Variants in TRIM51 observed in about 807,000 individuals in gnomAD.
The protein encoded by TRIM51 is tripartite motif-containing protein 51.
In TRIM51, 23 loss-of-function variants were observed where a neutral mutation model predicts 32.7. That is an observed-to-expected ratio of 0.70 (90% CI 0.51 to 1.00). TRIM51 has a LOEUF of 1.00. Ranked by LOEUF, TRIM51 falls within the 50% of genes least tolerant of loss-of-function variation. TRIM51 has a pLI of 0.00. For synonymous variants in TRIM51, 177 were observed against 181.9 expected, an observed-to-expected ratio of 0.97 and a Z score of 0.22; for missense variants, 592 against 539.2, an observed-to-expected ratio of 1.10 and a Z score of -0.97.
At chr11:55,888,337 G>C in intron 4 of TRIM51, 75 bp downstream of exon 4, 1 of 1,091,364 alleles carries the variant, frequency 9.2e-7, no homozygotes. Context: ...CCTGAACTCC[G>C]TCTCCCCCTT....
At chr11:55,884,182 T>TATATATATATACAC (rs1458218535) in intron 1 of TRIM51, among the ~76,000 whole-genome samples, 1 of 110,284 alleles carries the variant, frequency 9.1e-6, no homozygotes, top group Non-Finnish European at 1.9e-5. Flanking sequence ...TATATATATA[T>TATATATATATACAC]ACACATACCA....
At chr11:55,889,837 G>T in intron 5 of TRIM51, 105 bp from the exon 6 acceptor site, 1 of 763,500 alleles carries the variant, frequency 1.3e-6, no homozygotes, top group Non-Finnish European at 2.2e-6. Context: ...ATTAGCAAAT[G>T]TGTGGGTTAA....
At position 55,885,711 on chromosome 11, in the gene TRIM51, A is replaced by T. The variant is rs1854568479; in HGVS notation, c.283A>T (p.Met95Leu). The change falls in exon 2 of 7, where the codon ATG becomes TTG. Residue 95 changes from methionine to leucine, a missense_variant. Coordinates refer to ENST00000449290, the MANE Select transcript of TRIM51 (RefSeq NM_032681.4). ...FLSSEEQICG[M>L]HRETKKMFCE... ...TAGCTCTGAGGAGCAAATATGTGGG[A>T]TGCACAGAGAGACAAAGAAGATGTT... The T allele has an allele frequency of 6.2e-7, 1 of 1,611,674 alleles. No homozygotes were observed. The highest frequency in any genetic ancestry group is 1.3e-5 in the African/African-American group (1 of 74,964).
At chr11:55,884,951 T>A (rs1477253261) in intron 1 of TRIM51, among the ~76,000 whole-genome samples, 1 of 152,082 alleles carries the variant, frequency 6.6e-6, no homozygotes, top group East Asian at 1.9e-4. Context: ...GGGGTTGTTT[T>A]TGTTTTAAAG....
At chr11:55,884,926 C>A (rs1382806744) in intron 1 of TRIM51, among the ~76,000 whole-genome samples, 3 of 150,028 alleles carry the variant, frequency 2.0e-5, no homozygotes, top group Non-Finnish European at 4.4e-5. Context: ...TTAATCTGGT[C>A]GGTTGGTTTG....
Position 55,885,416 on chromosome 11 carries a change from C to T in TRIM51, c.-4-9C>T, listed in dbSNP as rs754666267. On this transcript the variant is annotated splice_polypyrimidine_tract_variant and intron_variant, in intron 1 of 6. Coordinates refer to ENST00000449290, the MANE Select transcript of TRIM51 (RefSeq NM_032681.4). ...ACCCCAAAATGACATGCTGCTCTTT[C>T]TTCTTCAGAAACATGAATTCTGGAA... The T allele has an allele frequency of 3.1e-6, 5 of 1,611,694 alleles. No individual in the cohort carries two copies. The highest frequency in any genetic ancestry group is 1.7e-5 in the Admixed American group (1 of 60,012).
At chr11:55,886,769 C>T (rs1258041764) in intron 3 of TRIM51, among the ~76,000 whole-genome samples, 2 of 151,954 alleles carry the variant, frequency 1.3e-5, no homozygotes, top group Non-Finnish European at 2.9e-5. Context: ...TTGATGAAGA[C>T]ATAAATATGT....
At position 55,891,460 on chromosome 11, in the gene TRIM51, C is replaced by G. The variant is rs772244665; in HGVS notation, c.1187C>G (p.Pro396Arg). The change falls in exon 7 of 7, where the codon CCA (proline) becomes CGA (arginine). Residue 396 changes from proline to arginine, a missense_variant. Coordinates refer to ENST00000449290, the MANE Select transcript of TRIM51 (RefSeq NM_032681.4). Reference protein sequence around the residue: ...DTHCSLFTTSPLVVQYVPRPT... With the variant: ...DTHCSLFTTSRLVVQYVPRPT... ...CACTGCAGTCTCTTTACCACCTCCC[C>G]ACTTGTGGTGCAATATGTTCCAAGA... The G allele has an allele frequency of 3.1e-6, 5 of 1,613,128 alleles. No individual in the cohort carries two copies. The highest frequency in any genetic ancestry group is 4.5e-5 in the East Asian group (2 of 44,864).
At chr11:55,889,694 T>C (rs1263247745) in intron 5 of TRIM51, among the ~76,000 whole-genome samples, 4 of 152,196 alleles carry the variant, frequency 2.6e-5, no homozygotes, top group Non-Finnish European at 5.9e-5. Context: ...TTAAGACTAA[T>C]GATCCTTACT....
chr11:55,887,044 T>C (rs896214379), intron 3 of TRIM51, among the ~76,000 whole-genome samples: 8 of 152,044 alleles, frequency 5.3e-5, no homozygotes, highest in Admixed American at 3.3e-4. Flanking sequence ...ATGGTCACCA[T>C]GCAGATATGT....
intron 6 of TRIM51, among the ~76,000 whole-genome samples, chr11:55,890,840 C>A (rs1854638345): frequency 6.6e-6 from 1 of 152,088 alleles, no homozygotes; most frequent in Non-Finnish European, 1.5e-5. Flanking sequence ...GCATTCAGGG[C>A]ATAAAATAAT....
chr11:55,886,684 A>C (rs1854582877), intron 3 of TRIM51, among the ~76,000 whole-genome samples: 1 of 152,184 alleles, frequency 6.6e-6, no homozygotes, highest in African/African-American at 2.4e-5. Context: ...CATGAAATGA[A>C]ATATCAGCAC....
chr11:55,886,625 G>C (rs1325780586), intron 3 of TRIM51, among the ~76,000 whole-genome samples: 2 of 152,176 alleles, frequency 1.3e-5, no homozygotes, highest in Admixed American at 1.3e-4. Flanking sequence ...AGATTGAAAT[G>C]TGAGCTAAAT....
intron 5 of TRIM51, 59 bp downstream of exon 5, chr11:55,889,060 A>G: frequency 7.0e-7 from 1 of 1,436,604 alleles, no homozygotes; most frequent in Non-Finnish European, 9.8e-7. Flanking sequence ...TCAAGCAGGA[A>G]CTTTGATATT....
chr11:55,891,626 C>T lies in TRIM51; in HGVS notation c.1353C>T (p.His451=). ...TCAGGCCTATCTTTTGCTGTAGTCA[C>T]TTCTGACCAGAGAAAAGTCAGAAAT... ...PPLRPIFCCS[H]F is the part of the protein sequence containing the mutation. Residue 451 remains histidine (H), a synonymous_variant, in exon 7 of 7, where the codon CAC becomes CAT. Transcript: ENST00000449290. The T allele has an allele frequency of 2.5e-6, 4 of 1,613,076 alleles. No homozygotes were observed. Among genetic ancestry groups the T allele is most frequent in the Non-Finnish European group, 3.4e-6 (4 of 1,179,542 alleles).
At position 55,891,644 on chromosome 11, in the gene TRIM51, T is replaced by C; in HGVS notation, c.*12T>C. On this transcript the variant is annotated 3_prime_UTR_variant, in exon 7 of 7. Coordinates refer to ENST00000449290, the MANE Select transcript of TRIM51 (RefSeq NM_032681.4). ...GTAGTCACTTCTGACCAGAGAAAAGTCAGAAATGTGCCTGTATGCTCTGGG... is the reference window on the plus strand; with the variant it reads ...GTAGTCACTTCTGACCAGAGAAAAGCCAGAAATGTGCCTGTATGCTCTGGG... 1 of 1,612,568 alleles carries C rather than the reference T, an allele frequency of 6.2e-7. No homozygotes were observed. Among genetic ancestry groups the C allele is most frequent in the Admixed American group, 1.7e-5 (1 of 59,942 alleles).
Position 55,885,660 on chromosome 11 carries a change from A to T in TRIM51, c.232A>T (p.Arg78Ter). Residue 78 changes from arginine (R) to a stop codon, truncating the protein, a stop_gained, in exon 2 of 7, where the codon AGA (arginine) becomes TGA (stop). Coordinates refer to ENST00000449290, the MANE Select transcript of TRIM51 (RefSeq NM_032681.4). LOFTEE classifies it high-confidence loss of function. ...TTTGAAGAACATGGCTTTCATTGCC[A>T]GAAAAGCCAGCCTCCGGCAATTCCT... ...ICLKNMAFIARKASLRQFLSS... is the reference protein window; with the variant it reads ...ICLKNMAFIA 1.2e-6 allele frequency: 2 copies of T among 1,610,820 alleles called. No individual in the cohort carries two copies. Among genetic ancestry groups the T allele is most frequent in the Non-Finnish European group, 1.7e-6 (2 of 1,179,208 alleles).
At position 55,891,449 on chromosome 11, in the gene TRIM51, T is replaced by C. The variant is rs746103013; in HGVS notation, c.1176T>C (p.Phe392=). 2 of 1,613,214 alleles carry C rather than the reference T, an allele frequency of 1.2e-6. No individual in the cohort carries two copies. The highest frequency in any genetic ancestry group is 1.7e-6 in the Non-Finnish European group (2 of 1,179,762). ...AGGAGGACACTCACTGCAGTCTCTTTACCACCTCCCCACTTGTGGTGCAAT... is the reference window on the plus strand; with the variant it reads ...AGGAGGACACTCACTGCAGTCTCTTCACCACCTCCCCACTTGTGGTGCAAT... The part of the protein sequence containing the change: ...CVKEDTHCSL[F]TTSPLVVQYV... The change falls in exon 7 of 7, where the codon TTT becomes TTC. Residue 392 remains phenylalanine (F), a synonymous_variant. Coordinates refer to ENST00000449290, the MANE Select transcript of TRIM51 (RefSeq NM_032681.4).
chr11:55,887,625 C>T (rs377277892), intron 3 of TRIM51, among the ~76,000 whole-genome samples: 6 of 151,994 alleles, frequency 3.9e-5, no homozygotes, highest in Non-Finnish European at 8.8e-5. Flanking sequence ...GTTGACAATG[C>T]TAGTCTGGGT....
Sources: gnomAD v4.1 joint callset for allele counts (sites outside exome capture counted in the v4.1 genomes callset) on GRCh38, gnomAD v4.1.1 for gene constraint, MANE v1.5 for transcripts, NCBI Gene and HGNC (gene_info 2026-07-23, HGNC 2026-07-21) for gene names.